The following FAM13C variants were observed in gnomAD, a reference collection of about 807,000 sequenced individuals.
The protein encoded by FAM13C is protein FAM13C.
Under a neutral mutation model 73.2 loss-of-function variants are expected in FAM13C, and 37 were observed. The observed-to-expected ratio is 0.51, with a 90% CI of 0.39 to 0.67. The LOEUF is 0.67. Among genes scored for constraint, FAM13C ranks in the 30% least tolerant of loss-of-function variants. FAM13C has a pLI of 0.00. For synonymous variants in FAM13C, 246 were observed against 260.9 expected, an observed-to-expected ratio of 0.94 and a Z score of 0.55; for missense variants, 589 against 715.6, an observed-to-expected ratio of 0.82 and a Z score of 2.02.
At chr10:59,322,170 C>G (rs1164955820) in intron 4 of FAM13C, among the ~76,000 whole-genome samples, 2 of 151,576 alleles carry the variant, frequency 1.3e-5, no homozygotes, top group African/African-American at 2.4e-5. Context: ...ACTAGTTCAT[C>G]AAATTTCACA....
chr10:59,360,724 C>T (rs6481464), intron 1 of FAM13C, among the ~76,000 whole-genome samples: 41,809 of 151,710 alleles, frequency 0.28, 6,060 homozygotes, highest in East Asian at 0.41. Context: ...TCTCTCAGTG[C>T]CTTTTAAAAT....
intron 6 of FAM13C, among the ~76,000 whole-genome samples, chr10:59,277,400 G>A (rs1332727417): frequency 6.6e-6 from 1 of 152,106 alleles, no homozygotes; most frequent in Non-Finnish European, 1.5e-5. Flanking sequence ...AGATTCACAT[G>A]CTGCTGTAAG....
chr10:59,321,808 T>G (rs1389683469), intron 4 of FAM13C, among the ~76,000 whole-genome samples: 1 of 152,122 alleles, frequency 6.6e-6, no homozygotes. Context: ...TGACTACTCC[T>G]TCGAGTCTCA....
chr10:59,291,506 A>G (rs914366838), intron 5 of FAM13C, among the ~76,000 whole-genome samples: 2 of 152,142 alleles, frequency 1.3e-5, no homozygotes, highest in African/African-American at 4.8e-5. Flanking sequence ...GAGAAATTCA[A>G]TGTAGGAGAG....
At chr10:59,327,184 A>C (rs1851270764) in intron 3 of FAM13C, among the ~76,000 whole-genome samples, 1 of 152,202 alleles carries the variant, frequency 6.6e-6, no homozygotes, top group African/African-American at 2.4e-5. Flanking sequence ...AGGGGAGGAA[A>C]ACCCAAGCCT....
intron 5 of FAM13C, among the ~76,000 whole-genome samples, chr10:59,284,289 A>G (rs981464331): frequency 6.6e-6 from 1 of 152,080 alleles, no homozygotes; most frequent in African/African-American, 2.4e-5. Context: ...TGCAGATGCC[A>G]GCAAATTAAT....
intron 3 of FAM13C, among the ~76,000 whole-genome samples, chr10:59,350,222 C>A (rs990354743): frequency 2.0e-5 from 3 of 152,166 alleles, no homozygotes; most frequent in African/African-American, 7.2e-5. Flanking sequence ...GTATTATGAG[C>A]AAAGACTATA....
chr10:59,312,562 C>A (rs557375399), intron 4 of FAM13C, among the ~76,000 whole-genome samples: 1 of 152,268 alleles, frequency 6.6e-6, no homozygotes, highest in African/African-American at 2.4e-5. Flanking sequence ...CTGTTTATAA[C>A]CTCCAGTGGT....
chr10:59,278,676 T>C (rs546851577), intron 6 of FAM13C, among the ~76,000 whole-genome samples: 31 of 152,098 alleles, frequency 2.0e-4, no homozygotes, highest in Non-Finnish European at 4.0e-4. Flanking sequence ...TAGACCCCAA[T>C]TGAAAACCTC....
chr10:59,335,812 T>C (rs1852648268), intron 3 of FAM13C, among the ~76,000 whole-genome samples: 2 of 152,230 alleles, frequency 1.3e-5, no homozygotes, highest in South Asian at 4.1e-4. Context: ...GGCCACTCTC[T>C]CATAGGACTC....
At chr10:59,255,374 A>C (rs1263196394) in intron 10 of FAM13C, among the ~76,000 whole-genome samples, 1 of 152,110 alleles carries the variant, frequency 6.6e-6, no homozygotes, top group Non-Finnish European at 1.5e-5. Context: ...CACTATTTTC[A>C]ATGGATCACA....
intron 3 of FAM13C, among the ~76,000 whole-genome samples, chr10:59,347,661 A>G (rs1330286708): frequency 6.6e-6 from 1 of 151,948 alleles, no homozygotes; most frequent in African/African-American, 2.4e-5. Flanking sequence ...ATTTCTCCTA[A>G]TGTTATCCCT....
chr10:59,264,012 A>G (rs761666138), intron 9 of FAM13C, 73 bp downstream of exon 9: 4 of 1,351,002 alleles, frequency 3.0e-6, no homozygotes, highest in Non-Finnish European at 4.3e-6. Context: ...TGAATCTAAA[A>G]TGCTCTGGAG....
intron 10 of FAM13C, among the ~76,000 whole-genome samples, chr10:59,259,041 A>G (rs904667179): frequency 6.6e-6 from 1 of 152,170 alleles, no homozygotes; most frequent in Non-Finnish European, 1.5e-5. Flanking sequence ...TTCCAAAAGA[A>G]AAGGACATAA....
At position 59,268,721 on chromosome 10, in the gene FAM13C, C is replaced by G. The variant is rs573400371; in HGVS notation, c.804-30G>C. 1.0e-4 allele frequency: 165 copies of G among 1,598,618 alleles called. 7 individuals are homozygous for G. The South Asian group carries it at 1.7e-3, about 17-fold the overall frequency. ...AGTGATTACAAGGAGGAAGGAGTAT[C>G]AAAAACAGTGGGCTTCCAGTAAACA... is the stretch of plus-strand genomic sequence containing the variant. On this transcript the variant is annotated intron_variant, in intron 7 of 13. Coordinates refer to ENST00000618804, the MANE Select transcript of FAM13C (RefSeq NM_198215.4).
At chr10:59,254,488 T>G (rs1196745272) in intron 10 of FAM13C, 45 bp from the exon 11 acceptor site, 4 of 1,168,930 alleles carry the variant, frequency 3.4e-6, no homozygotes, top group Non-Finnish European at 4.6e-6. Context: ...CAGACAAGAA[T>G]GAAAACGTCA....
chr10:59,312,433 TC>T (rs1254226267), intron 4 of FAM13C, among the ~76,000 whole-genome samples: 11 of 152,200 alleles, frequency 7.2e-5, no homozygotes, highest in African/African-American at 2.6e-4. Context: ...CACCAGCACC[TC>T]CCACAGGGAT....
At chr10:59,262,811 A>T (rs1415243506) in intron 9 of FAM13C, among the ~76,000 whole-genome samples, 166 bp from the exon 10 acceptor site, 3 of 152,146 alleles carry the variant, frequency 2.0e-5, no homozygotes, top group African/African-American at 7.2e-5. Flanking sequence ...CCATTAGCAT[A>T]AGCTCCCAAT....
intron 5 of FAM13C, among the ~76,000 whole-genome samples, chr10:59,292,899 C>T (rs1457791617): frequency 2.0e-5 from 3 of 151,920 alleles, no homozygotes; most frequent in Admixed American, 6.6e-5. Context: ...TCATTATTGA[C>T]GAGAGTCACA....
Sources: allele counts gnomAD v4.1 joint callset (sites outside exome capture counted in the v4.1 genomes callset), GRCh38; gene constraint gnomAD v4.1.1; transcripts MANE v1.5; gene names NCBI Gene and HGNC (gene_info 2026-07-23, HGNC 2026-07-21).